Variants in FAAH2 observed in about 807,000 individuals in gnomAD.
The protein encoded by FAAH2 is fatty acid amide hydrolase 2, also known as fatty-acid amide hydrolase 2.
FAAH2 carries 60 observed loss-of-function variants against 36.9 expected under a neutral mutation model. The observed-to-expected ratio is 1.63, with a 90% CI of 1.32 to 2.02. The LOEUF (loss-of-function observed/expected upper bound fraction) is 2.02, where lower values mean the gene tolerates loss of function less well. Ranked by LOEUF, FAAH2 falls within the 30% of genes most tolerant of loss-of-function variation. The pLI, the probability that FAAH2 is intolerant of heterozygous loss-of-function variation, is 0.00. For synonymous variants in FAAH2, 214 were observed against 143.8 expected (o/e 1.49, Z -3.49); for missense variants, 689 against 397.5 (o/e 1.73, Z -6.23).
chrX:57,459,142 G>T (rs1327158081), intron 10 of FAAH2, among the ~76,000 whole-genome samples: 1 of 112,436 alleles, frequency 8.9e-6, no homozygotes, highest in African/African-American at 3.2e-5. Context: ...AGCTTGGTGG[G>T]GGGAGGGGCA....
intron 10 of FAAH2, 45 bp downstream of exon 10, chrX:57,448,763 A>T: frequency 9.0e-7 from 1 of 1,112,994 alleles, no homozygotes; most frequent in Non-Finnish European, 1.2e-6. Context: ...AAAGAAATAG[A>T]GATGTATGTT....
At chrX:57,141,459 A>C in the FAAH2 span, among the ~76,000 whole-genome samples, 8 of 111,888 alleles carry the variant, frequency 7.2e-5, no homozygotes, top group Admixed American at 7.6e-4. Context: ...ATGAGTTTGG[A>C]AGCATTCCCT....
At chrX:57,135,484 C>T in the FAAH2 span, 7 of 261,001 alleles carry the variant, frequency 2.7e-5, no homozygotes, top group Admixed American at 4.4e-4. Flanking sequence ...TCCCCTGCCC[C>T]CTCCAGACCA....
the FAAH2 span, among the ~76,000 whole-genome samples, chrX:57,276,216 A>G: frequency 5.4e-5 from 6 of 112,147 alleles, no homozygotes; most frequent in African/African-American, 1.9e-4. Context: ...AAATCATAAC[A>G]ATCTGTCTCT....
At chrX:57,288,416 C>G (rs1018190517) in intron 1 of FAAH2, among the ~76,000 whole-genome samples, 4 of 84,112 alleles carry the variant, frequency 4.8e-5, no homozygotes, top group Non-Finnish European at 6.3e-5. Context: ...GTGGTGCGAT[C>G]TTCGCTCACT....
the FAAH2 span, among the ~76,000 whole-genome samples, chrX:57,216,640 A>G: frequency 1.1e-5 from 1 of 93,755 alleles, no homozygotes; most frequent in Non-Finnish European, 2.1e-5. Flanking sequence ...ATATATACGT[A>G]TATATATATA....
chrX:57,139,620 A>T, the FAAH2 span, among the ~76,000 whole-genome samples: 1 of 110,452 alleles, frequency 9.1e-6, no homozygotes, highest in African/African-American at 3.3e-5. Flanking sequence ...CACTGGGCTA[A>T]TTTTTTTGTA....
the FAAH2 span, among the ~76,000 whole-genome samples, chrX:57,154,856 CAT>C: frequency 2.7e-5 from 3 of 109,862 alleles, no homozygotes; most frequent in African/African-American, 1.0e-4. Flanking sequence ...TTTTTTGTCT[CAT>C]GTGGTATTCC....
chrX:57,260,506 CT>C, the FAAH2 span, among the ~76,000 whole-genome samples: 4 of 111,623 alleles, frequency 3.6e-5, no homozygotes, highest in African/African-American at 1.3e-4. Flanking sequence ...GCAAAGATTT[CT>C]TAAACAGAAC....
At chrX:57,431,424 C>T (rs1457962344) in intron 7 of FAAH2, among the ~76,000 whole-genome samples, 3 of 111,847 alleles carry the variant, frequency 2.7e-5, no homozygotes, top group Non-Finnish European at 3.8e-5. Flanking sequence ...TCCACCACTG[C>T]TCTAAGCATT....
intron 10 of FAAH2, among the ~76,000 whole-genome samples, chrX:57,474,883 C>A (rs866965812): frequency 8.9e-6 from 1 of 111,813 alleles, no homozygotes; most frequent in Admixed American, 9.5e-5. Context: ...TGTTAATAAT[C>A]GCCATTCTAA....
the FAAH2 span, among the ~76,000 whole-genome samples, chrX:57,207,041 T>C: frequency 2.7e-5 from 3 of 111,217 alleles, no homozygotes; most frequent in Non-Finnish European, 5.7e-5. Context: ...ATGGCTGCCA[T>C]CAAAAATGAT....
At chrX:57,349,168 C>A (rs2053918556) in intron 5 of FAAH2, among the ~76,000 whole-genome samples, 1 of 51,243 alleles carries the variant, frequency 2.0e-5, no homozygotes, top group Non-Finnish European at 5.5e-5. Context: ...AATATATACA[C>A]ATATATATGT....
the FAAH2 span, among the ~76,000 whole-genome samples, chrX:57,261,378 C>T: frequency 3.7e-5 from 4 of 108,298 alleles, no homozygotes; most frequent in Admixed American, 1.0e-4. Flanking sequence ...CATGGTGAAA[C>T]CCTGTCTCTA....
At chrX:57,345,728 T>C (rs936472828) in intron 5 of FAAH2, among the ~76,000 whole-genome samples, 1 of 111,579 alleles carries the variant, frequency 9.0e-6, no homozygotes, top group Non-Finnish European at 1.9e-5. Context: ...TCACTGATTT[T>C]AGATCTTTCT....
intron 10 of FAAH2, among the ~76,000 whole-genome samples, chrX:57,484,159 A>C (rs1256704554): frequency 9.0e-6 from 1 of 110,632 alleles, no homozygotes; most frequent in Non-Finnish European, 1.9e-5. Context: ...AGGGGGTAGC[A>C]CTTAAGGGTA....
At chrX:57,471,965 C>G (rs1292082867) in intron 10 of FAAH2, among the ~76,000 whole-genome samples, 1 of 111,636 alleles carries the variant, frequency 9.0e-6, no homozygotes, top group Non-Finnish European at 1.9e-5. Flanking sequence ...TGATCTTTGA[C>G]AAACCTGACA....
At chrX:57,353,350 G>T (rs1230361313) in intron 5 of FAAH2, among the ~76,000 whole-genome samples, 1 of 108,792 alleles carries the variant, frequency 9.2e-6, no homozygotes, top group Non-Finnish European at 1.9e-5. Context: ...TTGTGGAAGT[G>T]AATCACTTTT....
chrX:57,380,960 G>T lies in FAAH2; in HGVS notation c.927G>T (p.Trp309Cys). The change falls in exon 7 of 11, where the codon TGG becomes TGT. Residue 309 changes from tryptophan (W) to cysteine (C), a missense_variant. Coordinates refer to ENST00000374900, the MANE Select transcript of FAAH2 (RefSeq NM_174912.4). ...KVHLKDLKFY[W>C]MEHDGGSFLM... ...ATTTAAAAGACTTAAAATTTTACTG[G>T]ATGGAACATGATGGAGGCTCATTTT... 8.3e-7 allele frequency: 1 copy of T among 1,200,890 alleles called. No homozygotes were observed. The highest frequency in any genetic ancestry group is 1.1e-6 in the Non-Finnish European group (1 of 890,073).
Sources: allele counts gnomAD v4.1 joint callset (sites outside exome capture counted in the v4.1 genomes callset), GRCh38; gene constraint gnomAD v4.1.1; transcripts MANE v1.5; gene names NCBI Gene and HGNC (gene_info 2026-07-23, HGNC 2026-07-21).